Variants in EIF3H observed in about 807,000 individuals in gnomAD.
EIF3H encodes the protein eIF-3-gamma.
In EIF3H, 26 loss-of-function variants were observed where a neutral mutation model predicts 44.2. The observed-to-expected ratio is 0.59, with a 90% CI of 0.43 to 0.82. EIF3H has a LOEUF of 0.82. Among genes scored for constraint, EIF3H ranks in the 40% least tolerant of loss-of-function variants. The pLI is 0.00. For synonymous variants in EIF3H, 166 were observed against 151.9 expected, an observed-to-expected ratio of 1.09 and a Z score of -0.68; for missense variants, 359 against 432.8, an observed-to-expected ratio of 0.83 and a Z score of 1.51.
intron 2 of EIF3H, among the ~76,000 whole-genome samples, chr8:116,707,042 G>A (rs543771226): frequency 1.3e-5 from 2 of 152,308 alleles, no homozygotes; most frequent in Admixed American, 1.3e-4. Context: ...GTTAACTAAT[G>A]TCTCTCTCCT....
intron 2 of EIF3H, among the ~76,000 whole-genome samples, chr8:116,704,645 C>T (rs530800996): frequency 2.2e-4 from 34 of 152,198 alleles, no homozygotes; most frequent in African/African-American, 7.2e-4. Flanking sequence ...ATATCCTCGG[C>T]GTCAATAATC....
At chr8:116,706,986 G>A (rs367653495) in intron 2 of EIF3H, among the ~76,000 whole-genome samples, 16 of 152,152 alleles carry the variant, frequency 1.1e-4, no homozygotes, top group South Asian at 2.1e-4. Context: ...TGGGTTTATC[G>A]GGACGTGACC....
intron 2 of EIF3H, among the ~76,000 whole-genome samples, chr8:116,700,048 C>T (rs1286654483): frequency 6.6e-6 from 1 of 152,204 alleles, no homozygotes; most frequent in African/African-American, 2.4e-5. Context: ...TCAGGTGATC[C>T]TCCTGCCTTG....
At chr8:116,764,873 A>C (rs1260739528) in intron 1 of EIF3H, among the ~76,000 whole-genome samples, 1 of 152,200 alleles carries the variant, frequency 6.6e-6, no homozygotes, top group African/African-American at 2.4e-5. Flanking sequence ...TCATGTTTTC[A>C]TAATAAAGAT....
chr8:116,685,530 A>G (rs1814062077), intron 2 of EIF3H, among the ~76,000 whole-genome samples: 1 of 152,112 alleles, frequency 6.6e-6, no homozygotes, highest in African/African-American at 2.4e-5. Context: ...CAAATATACT[A>G]ACCTAGGCAT....
chr8:116,678,708 GTC>G (rs1406431711), intron 2 of EIF3H, among the ~76,000 whole-genome samples: 2 of 147,224 alleles, frequency 1.4e-5, no homozygotes, highest in East Asian at 4.0e-4. Flanking sequence ...GGTGAGGAGC[GTC>G]TCTGCTCGGC....
intron 1 of EIF3H, among the ~76,000 whole-genome samples, chr8:116,755,256 G>A (rs1047764979): frequency 4.6e-5 from 7 of 152,188 alleles, no homozygotes; most frequent in African/African-American, 1.4e-4. Context: ...CACTTGGAAC[G>A]TTATAGATGT....
chr8:116,697,310 T>C, intron 2 of EIF3H: 1 of 407,072 alleles, frequency 2.5e-6, no homozygotes, highest in South Asian at 1.8e-5. Flanking sequence ...AAGAAAAAAA[T>C]TGCATGCCTG....
chr8:116,699,886 C>T (rs1191381193), intron 2 of EIF3H, among the ~76,000 whole-genome samples: 3 of 152,134 alleles, frequency 2.0e-5, no homozygotes, highest in Non-Finnish European at 4.4e-5. Context: ...TCTCAGCTCA[C>T]TGCAACCTCT....
intron 2 of EIF3H, among the ~76,000 whole-genome samples, chr8:116,698,750 A>G (rs994507250): frequency 4.6e-5 from 7 of 152,244 alleles, no homozygotes. Context: ...AATGTTGCCA[A>G]CTACCAACTT....
At chr8:116,701,582 T>C (rs1814375916) in intron 2 of EIF3H, among the ~76,000 whole-genome samples, 1 of 152,162 alleles carries the variant, frequency 6.6e-6, no homozygotes, top group Non-Finnish European at 1.5e-5. Flanking sequence ...TAACCAAGGT[T>C]AACATCATCA....
At position 116,650,190 on chromosome 8, in the gene EIF3H, A is replaced by C. The variant is rs117115184; in HGVS notation, c.708-1264T>G. ...GATCATTCTGCTGCTATGCAAATAG[A>C]CTGGAGAGGAGAAACCAGGAGGTTA... On this transcript the variant is annotated intron_variant, in intron 5 of 7. Transcript: ENST00000521861. 2.0e-5 allele frequency among the ~76,000 whole-genome samples: 3 copies of C among 152,224 alleles called. No homozygotes were observed. The East Asian group carries it at 5.8e-4, about 29-fold the overall frequency.
chr8:116,672,120 T>C (rs995605306), intron 2 of EIF3H, among the ~76,000 whole-genome samples: 4 of 152,238 alleles, frequency 2.6e-5, no homozygotes, highest in African/African-American at 9.6e-5. Flanking sequence ...TAGAGAAAGC[T>C]GACATTTTAA....
At chr8:116,765,001 C>T (rs934525159) in intron 1 of EIF3H, among the ~76,000 whole-genome samples, 3 of 152,028 alleles carry the variant, frequency 2.0e-5, no homozygotes, top group Admixed American at 2.0e-4. Context: ...AGTGCTGCAC[C>T]ACATTTTTCT....
intron 2 of EIF3H, among the ~76,000 whole-genome samples, chr8:116,718,886 T>C (rs1814697048): frequency 6.6e-6 from 1 of 151,550 alleles, no homozygotes; most frequent in South Asian, 2.1e-4. Flanking sequence ...AAATAAAATA[T>C]ATATATATTA....
chr8:116,649,510 C>T (rs771681301), intron 5 of EIF3H, among the ~76,000 whole-genome samples: 8 of 152,178 alleles, frequency 5.3e-5, no homozygotes, highest in South Asian at 2.1e-4. Flanking sequence ...TTACCAACAT[C>T]GCTTTATAAA....
At chr8:116,714,464 G>C (rs533483673) in intron 2 of EIF3H, among the ~76,000 whole-genome samples, 45 of 152,118 alleles carry the variant, frequency 3.0e-4, no homozygotes, top group African/African-American at 1.0e-3. Flanking sequence ...GCAGGATTTG[G>C]TGTCTTTGTA....
chr8:116,702,103 G>A (rs1217397673), intron 2 of EIF3H, among the ~76,000 whole-genome samples: 6 of 152,112 alleles, frequency 3.9e-5, no homozygotes, highest in East Asian at 1.9e-4. Context: ...CAGGGGTTAC[G>A]TGTGTGAAGT....
At chr8:116,708,845 G>C (rs748721075) in intron 2 of EIF3H, among the ~76,000 whole-genome samples, 5 of 151,882 alleles carry the variant, frequency 3.3e-5, no homozygotes, top group East Asian at 1.9e-4. Context: ...AAAAACTAAA[G>C]AAAAGCAAGG....
Sources: allele counts gnomAD v4.1 joint callset (sites outside exome capture counted in the v4.1 genomes callset), GRCh38; gene constraint gnomAD v4.1.1; transcripts MANE v1.5; gene names NCBI Gene and HGNC (gene_info 2026-07-23, HGNC 2026-07-21).